RPS6KA2: variants seen among roughly 807,000 people sequenced by gnomAD.
RPS6KA2 encodes the protein ribosomal protein S6 kinase alpha-2.
Under a neutral mutation model 91.8 loss-of-function variants are expected in RPS6KA2, and 42 were observed. That is an observed-to-expected ratio of 0.46 (90% CI 0.36 to 0.59). The LOEUF is 0.59. RPS6KA2 is among the 20% of genes least tolerant of loss of function. The probability of loss-of-function intolerance (pLI) is 0.00; values close to 1 mark genes in which losing one functional copy is unlikely to be tolerated. For missense variants in RPS6KA2, 798 were observed against 978.5 expected, an observed-to-expected ratio of 0.82 and a Z score of 2.46; for synonymous variants, 414 against 393.6, an observed-to-expected ratio of 1.05 and a Z score of -0.61.
chr6:166,432,020 C>T (rs898995439), intron 15 of RPS6KA2, among the ~76,000 whole-genome samples: 1 of 152,192 alleles, frequency 6.6e-6, no homozygotes, highest in Admixed American at 6.5e-5. Context: ...GGCCCAATAT[C>T]CTGTGACTCT....
rs768660680 is a variant in RPS6KA2 at position 166,451,237 on chromosome 6, T to C, written c.1076-4A>G. On this transcript the variant is annotated splice_region_variant and splice_polypyrimidine_tract_variant and intron_variant, in intron 12 of 20. Transcript: ENST00000265678. ...CTCGGGGGGACGCCAGGAGAGTCTGTAGGTGACAGGGGCAGAGTTCAGATG... is the reference window on the plus strand; with the variant it reads ...CTCGGGGGGACGCCAGGAGAGTCTGCAGGTGACAGGGGCAGAGTTCAGATG... 1 of 1,613,326 alleles carries C rather than the reference T, an allele frequency of 6.2e-7. No individual in the cohort carries two copies. Among genetic ancestry groups the C allele is most frequent in the African/African-American group, 1.3e-5 (1 of 74,764 alleles).
At chr6:166,670,922 G>A (rs1367866339) in intron 2 of RPS6KA2, among the ~76,000 whole-genome samples, 1 of 152,208 alleles carries the variant, frequency 6.6e-6, no homozygotes. Context: ...CCAGGTTCAA[G>A]TGGTTCTCGT....
At chr6:166,695,359 A>G (rs1172810715) in intron 2 of RPS6KA2, among the ~76,000 whole-genome samples, 3 of 152,220 alleles carry the variant, frequency 2.0e-5, no homozygotes, top group Non-Finnish European at 4.4e-5. Context: ...GCCAGAGAAA[A>G]GCGCAGTGTC....
intron 2 of RPS6KA2, among the ~76,000 whole-genome samples, chr6:166,752,028 A>G (rs1408312263): frequency 6.6e-6 from 1 of 152,266 alleles, no homozygotes; most frequent in Non-Finnish European, 1.5e-5. Flanking sequence ...CAGGCCAGCC[A>G]AGGAGTACCT....
intron 2 of RPS6KA2, among the ~76,000 whole-genome samples, chr6:166,783,879 C>CTATA (rs1778851939): frequency 3.0e-5 from 2 of 65,860 alleles, no homozygotes; most frequent in Non-Finnish European, 6.0e-5. Flanking sequence ...ACCTACGCAT[C>CTATA]ACCACATATG....
chr6:166,780,154 A>G (rs1436307627), intron 2 of RPS6KA2, among the ~76,000 whole-genome samples: 10 of 152,194 alleles, frequency 6.6e-5, no homozygotes, highest in Non-Finnish European at 1.5e-4. Context: ...ATAGCAGCAT[A>G]GTTCTGGGCT....
chr6:166,510,301 G>T lies in RPS6KA2; in HGVS notation c.355C>A (p.Pro119Thr), dbSNP rs763254036. The T allele has an allele frequency of 1.2e-6, 2 of 1,602,846 alleles. No individual in the cohort carries two copies. The highest frequency in any genetic ancestry group is 1.7e-6 in the Non-Finnish European group (2 of 1,172,930). ...CCATAATGAAGCTTCACAATGAAGGGGTGATTCACTTCTGCCAAGATGTCT... is the reference window on the plus strand; with the variant it reads ...CCATAATGAAGCTTCACAATGAAGGTGTGATTCACTTCTGCCAAGATGTCT... ...ERDILAEVNH[P>T]FIVKLHYAFQ... Residue 119 changes from proline to threonine, a missense_variant, in exon 4 of 21, where the codon CCC becomes ACC. By Grantham distance (38) the Pro-to-Thr change is conservative (BLOSUM62 -1). Coordinates refer to ENST00000265678, the MANE Select transcript of RPS6KA2 (RefSeq NM_021135.6).
chr6:166,548,875 C>T (rs1029992962), intron 1 of RPS6KA2, among the ~76,000 whole-genome samples: 1 of 152,208 alleles, frequency 6.6e-6, no homozygotes, highest in Non-Finnish European at 1.5e-5. Flanking sequence ...TGCAAAGACT[C>T]TGTGAAGGAG....
intron 3 of RPS6KA2, among the ~76,000 whole-genome samples, chr6:166,523,072 T>C (rs1782913972): frequency 6.6e-6 from 1 of 152,210 alleles, no homozygotes; most frequent in Admixed American, 6.5e-5. Flanking sequence ...AAAAATCTAT[T>C]TCCTCCTTTT....
chr6:166,630,364 A>AT (rs1364556659), upstream of RPS6KA2, among the ~76,000 whole-genome samples: 1 of 152,284 alleles, frequency 6.6e-6, no homozygotes, highest in Non-Finnish European at 1.5e-5. Context: ...CAGGCTGCTG[A>AT]AAGTTTCAAG....
intron 2 of RPS6KA2, among the ~76,000 whole-genome samples, chr6:166,781,094 C>T (rs998094680): frequency 1.2e-4 from 18 of 152,208 alleles, no homozygotes; most frequent in African/African-American, 4.3e-4. Flanking sequence ...AATAAGACAT[C>T]ACTCCTCTAA....
At chr6:166,476,608 A>G (rs1780983844) in intron 10 of RPS6KA2, among the ~76,000 whole-genome samples, 1 of 152,150 alleles carries the variant, frequency 6.6e-6, no homozygotes, top group Non-Finnish European at 1.5e-5. Flanking sequence ...GTGGGGGCTC[A>G]TTAAGGAAGA....
At chr6:166,617,397 T>C (rs952540786) in intron 1 of RPS6KA2, among the ~76,000 whole-genome samples, 1 of 152,224 alleles carries the variant, frequency 6.6e-6, no homozygotes, top group African/African-American at 2.4e-5. Context: ...GGGGATTTTT[T>C]CCCAAAAATG....
At chr6:166,763,974 C>T (rs1299734238) in intron 2 of RPS6KA2, among the ~76,000 whole-genome samples, 1 of 152,244 alleles carries the variant, frequency 6.6e-6, no homozygotes, top group Non-Finnish European at 1.5e-5. Flanking sequence ...CAACACTGTC[C>T]ATGACCTGCT....
At chr6:166,651,146 C>T (rs1787843164) in intron 2 of RPS6KA2, among the ~76,000 whole-genome samples, 1 of 152,094 alleles carries the variant, frequency 6.6e-6, no homozygotes, top group Non-Finnish European at 1.5e-5. Context: ...AGATAAGAAC[C>T]CAGATTTCTT....
intron 1 of RPS6KA2, among the ~76,000 whole-genome samples, chr6:166,562,700 C>T (rs1784378983): frequency 6.6e-6 from 1 of 152,220 alleles, no homozygotes; most frequent in East Asian, 1.9e-4. Context: ...CCATAACCTT[C>T]CAACATTCCA....
At chr6:166,859,892 C>G (rs1781003542) in intron 1 of RPS6KA2, among the ~76,000 whole-genome samples, 1 of 152,174 alleles carries the variant, frequency 6.6e-6, no homozygotes, top group South Asian at 2.1e-4. Context: ...TAAACTAAAT[C>G]ACTAAAAAAT....
At chr6:166,592,021 C>T (rs958813945) in intron 1 of RPS6KA2, among the ~76,000 whole-genome samples, 1 of 152,156 alleles carries the variant, frequency 6.6e-6, no homozygotes, top group Non-Finnish European at 1.5e-5. Flanking sequence ...AAATGATGGA[C>T]GTTCTGTTTA....
chr6:166,585,498 C>CTTTTT (rs58153048), intron 1 of RPS6KA2, among the ~76,000 whole-genome samples: 1 of 86,302 alleles, frequency 1.2e-5, no homozygotes, highest in Non-Finnish European at 2.0e-5. Flanking sequence ...TCAAACAAGT[C>CTTTTT]TTTTTTTTTT....
Sources: gnomAD v4.1 joint callset for allele counts (sites outside exome capture counted in the v4.1 genomes callset) on GRCh38, gnomAD v4.1.1 for gene constraint, MANE v1.5 for transcripts, NCBI Gene and HGNC (gene_info 2026-07-23, HGNC 2026-07-21) for gene names.